The following SLC4A4 variants were observed in gnomAD, a reference collection of about 807,000 sequenced individuals.
The protein encoded by SLC4A4 is solute carrier family 4 member 4.
In SLC4A4, 27 loss-of-function variants were observed where a neutral mutation model predicts 111.5. That is an observed-to-expected ratio of 0.24 (90% confidence interval 0.18 to 0.33). SLC4A4 has a LOEUF of 0.33. SLC4A4 is among the 10% of genes least tolerant of loss of function. The probability of loss-of-function intolerance (pLI) is 1.00; values close to 1 mark genes in which losing one functional copy is unlikely to be tolerated. For missense variants in SLC4A4, 909 were observed against 1,315.5 expected (o/e 0.69, Z 4.78); for synonymous variants, 443 against 463.4 (o/e 0.96, Z 0.57).
At chr4:71,236,178 A>G (rs1054475226) in intron 1 of SLC4A4, 2 of 1,055,834 alleles carry the variant, frequency 1.9e-6, no homozygotes, top group African/African-American at 3.4e-5. Context: ...CTGAAGCTGG[A>G]TTTCCACAAA....
At chr4:71,237,646 A>G (rs1192295609) in intron 2 of SLC4A4, among the ~76,000 whole-genome samples, 1 of 152,176 alleles carries the variant, frequency 6.6e-6, no homozygotes. Flanking sequence ...TGATTCTTCA[A>G]GCAGACTGAG....
intron 5 of SLC4A4, among the ~76,000 whole-genome samples, chr4:71,353,827 C>A (rs371248456): frequency 1.1e-3 from 169 of 152,274 alleles, no homozygotes; most frequent in Non-Finnish European, 1.9e-3. Context: ...CACCTGCTAC[C>A]CCTCACCAGC....
chr4:71,241,938 A>G (rs770790843), intron 2 of SLC4A4, among the ~76,000 whole-genome samples: 9 of 152,172 alleles, frequency 5.9e-5, no homozygotes, highest in Non-Finnish European at 1.3e-4. Context: ...GAGGTCCTCA[A>G]GTATGCAGCA....
intron 7 of SLC4A4, among the ~76,000 whole-genome samples, chr4:71,410,535 T>G (rs1334071145): frequency 6.6e-6 from 1 of 152,208 alleles, no homozygotes; most frequent in East Asian, 1.9e-4. Context: ...GTACTCCCAT[T>G]GTATCTAGGA....
At chr4:71,121,084 G>A (rs952503333) in intron 2 of SLC4A4, among the ~76,000 whole-genome samples, 6 of 152,192 alleles carry the variant, frequency 3.9e-5, no homozygotes, top group Non-Finnish European at 7.4e-5. Flanking sequence ...TAGCAGCTGC[G>A]GAGGGTGTGC....
intron 3 of SLC4A4, among the ~76,000 whole-genome samples, chr4:71,292,061 T>G (rs1197224512): frequency 6.6e-6 from 1 of 152,138 alleles, no homozygotes; most frequent in Non-Finnish European, 1.5e-5. Context: ...AAATTATTGT[T>G]GACTATAAAA....
At position 71,442,138 on chromosome 4, in the gene SLC4A4, C is replaced by T. The variant is rs559641766; in HGVS notation, c.965+1365C>T. On this transcript the variant is annotated intron_variant, in intron 8 of 25. Transcript: ENST00000264485. ...GCTCTTGGCTTTTCATTTTTATTACCATTTTTCTTTAGAAGGTACAAATAA... is the reference window on the plus strand; with the variant it reads ...GCTCTTGGCTTTTCATTTTTATTACTATTTTTCTTTAGAAGGTACAAATAA... 2.6e-5 allele frequency among the ~76,000 whole-genome samples: 4 copies of T among 152,226 alleles called. No individual in the cohort carries two copies. The East Asian group carries it at 5.8e-4, about 22-fold the overall frequency.
intron 4 of SLC4A4, among the ~76,000 whole-genome samples, chr4:71,345,217 G>A (rs551222643): frequency 2.0e-5 from 3 of 152,242 alleles, no homozygotes; most frequent in South Asian, 4.1e-4. Flanking sequence ...TAGGTGACTA[G>A]GTGTCAGCTA....
chr4:71,400,112 G>T (rs1449128534), intron 7 of SLC4A4, among the ~76,000 whole-genome samples: 4 of 152,156 alleles, frequency 2.6e-5, no homozygotes, highest in Non-Finnish European at 5.9e-5. Context: ...ATTAGCTTAG[G>T]AATATCTTGT....
intron 15 of SLC4A4, 86 bp from the exon 16 acceptor site, chr4:71,497,415 A>G (rs1460476971): frequency 2.7e-6 from 3 of 1,111,686 alleles, no homozygotes; most frequent in African/African-American, 1.6e-5. Flanking sequence ...AACTTTTGGT[A>G]TAATTCCTAT....
chr4:71,235,135 T>G (rs138543418), intron 1 of SLC4A4, among the ~76,000 whole-genome samples: 91 of 152,270 alleles, frequency 6.0e-4, no homozygotes, highest in African/African-American at 2.0e-3. Flanking sequence ...CCCAGTTTTA[T>G]AGATGGAAAA....
intron 1 of SLC4A4, among the ~76,000 whole-genome samples, chr4:71,191,237 C>A (rs564982731): frequency 6.6e-6 from 1 of 152,152 alleles, no homozygotes; most frequent in Non-Finnish European, 1.5e-5. Context: ...CATAACCCAC[C>A]GTACATTTAG....
intron 3 of SLC4A4, among the ~76,000 whole-genome samples, chr4:71,293,409 C>A (rs2579341): frequency 0.14 from 20,826 of 151,112 alleles, 2,177 homozygotes; most frequent in African/African-American, 0.25. Flanking sequence ...CTAAAAATAC[C>A]AAAATTAGCT....
intron 16 of SLC4A4, among the ~76,000 whole-genome samples, chr4:71,519,517 G>A (rs1031449): frequency 0.42 from 63,360 of 152,086 alleles, 16,033 homozygotes; most frequent in African/African-American, 0.67. Flanking sequence ...ATTTCTAAAG[G>A]TCAGTGTGTA....
At chr4:71,089,516 A>G (rs1300338884) in intron 1 of SLC4A4, among the ~76,000 whole-genome samples, 1 of 151,624 alleles carries the variant, frequency 6.6e-6, no homozygotes, top group African/African-American at 2.4e-5. Flanking sequence ...TTTTTTCCCC[A>G]TCTTTGTGGT....
At chr4:71,397,455 G>C (rs1282247082) in intron 6 of SLC4A4, 122 bp from the exon 7 acceptor site, 3 of 868,186 alleles carry the variant, frequency 3.5e-6, no homozygotes, top group Non-Finnish European at 3.9e-6. Context: ...AAGAATCCTA[G>C]TGTGGTTAAA....
chr4:71,160,015 T>C (rs925597264), intron 2 of SLC4A4, among the ~76,000 whole-genome samples: 2 of 152,218 alleles, frequency 1.3e-5, no homozygotes, highest in African/African-American at 4.8e-5. Flanking sequence ...CTAACATTTA[T>C]TGAATGCTTA....
intron 15 of SLC4A4, among the ~76,000 whole-genome samples, chr4:71,488,099 T>C (rs1398196595): frequency 6.6e-6 from 1 of 150,518 alleles, no homozygotes; most frequent in Non-Finnish European, 1.5e-5. Context: ...AAGAATTTTA[T>C]TCAAAATTCT....
intron 3 of SLC4A4, among the ~76,000 whole-genome samples, chr4:71,330,185 T>C (rs951757317): frequency 6.6e-6 from 1 of 152,212 alleles, no homozygotes; most frequent in African/African-American, 2.4e-5. Context: ...GAATGAACTT[T>C]TTAATGTGTG....
Sources: gnomAD v4.1 joint callset for allele counts (sites outside exome capture counted in the v4.1 genomes callset) on GRCh38, gnomAD v4.1.1 for gene constraint, MANE v1.5 for transcripts, NCBI Gene and HGNC (gene_info 2026-07-23, HGNC 2026-07-21) for gene names.